The following PLK5 variants were observed in gnomAD, a reference collection of about 807,000 sequenced individuals.
PLK5 encodes polo like kinase 5 (inactive).
A neutral mutation model predicts 33.7 loss-of-function variants in PLK5; 28 were observed. The observed-to-expected ratio is 0.83, with a 90% CI of 0.62 to 1.14. PLK5 has a LOEUF of 1.14. PLK5 is among the 50% of genes most tolerant of loss of function. The pLI, the probability that PLK5 is intolerant of heterozygous loss-of-function variation, is 0.00. For missense variants in PLK5, 492 were observed against 461.5 expected, an observed-to-expected ratio of 1.07 and a Z score of -0.61; for synonymous variants, 225 against 202.2, an observed-to-expected ratio of 1.11 and a Z score of -0.96.
rs1392957032 is a variant in PLK5 at position 1,531,850 on chromosome 19, A to G, written c.681A>G (p.Gly227=). Residue 227 remains glycine, a synonymous_variant, in exon 12 of 14, where the codon GGA becomes GGG. Transcript: ENST00000454744. ...GYQLLDGGRT[G]RHPHGPATPR... ...AGCTCTTGGACGGGGGGCGCACGGG[A>G]CGGCACCCACATGGCCCTGCGACCC... The G allele has an allele frequency of 2.6e-6, 4 of 1,522,778 alleles. No homozygotes were observed. The East Asian group carries it at 9.9e-5, about 38-fold the overall frequency. 94.3% of individuals were successfully genotyped at this position (1,522,778 alleles called of 1,614,324 possible). A position where few individuals can be genotyped will look rare whatever the true frequency, so the allele number is the denominator to read the frequency against.
rs573399380 is a variant in PLK5, at chr19:1,529,669, G to A, written c.491-78G>A. The A allele has an allele frequency of 3.3e-5, 48 of 1,451,896 alleles. No individual in the cohort carries two copies. The Middle Eastern group carries it at 6.9e-4, about 21-fold the overall frequency. The allele number at this position is 1,451,896 out of a possible 1,614,324, so 89.9% of individuals were successfully genotyped here. ...GGATGAGATGTTCCTGGATGGAGCC[G>A]TGGGGAGGGGGACTGGTTGGAAGAG... On this transcript the variant is annotated intron_variant, in intron 10 of 13. Transcript: ENST00000454744.
rs1159192800 is a variant in PLK5 at position 1,528,021 on chromosome 19, G to A, written c.88G>A (p.Glu30Lys). 22 of 1,535,962 alleles carry A rather than the reference G, an allele frequency of 1.4e-5. No individual in the cohort carries two copies. Among genetic ancestry groups the A allele is most frequent in the Admixed American group, 1.2e-4 (6 of 50,964 alleles). The change falls in exon 7 of 14, where the codon GAA becomes AAA. Residue 30 changes from glutamate to lysine, a missense_variant. Coordinates refer to ENST00000454744, the MANE Select transcript of PLK5 (RefSeq NM_001243079.2). ...YQNIREGHYPEPAHLSANARR... is the reference protein window; with the variant it reads ...YQNIREGHYPKPAHLSANARR... The stretch of plus-strand genomic sequence containing the variant: ...AAACATCCGTGAGGGCCACTACCCC[G>A]AACCCGCTCACCTGTCTGCCAATGC...
intron 11 of PLK5, among the ~76,000 whole-genome samples, chr19:1,531,512 C>T (rs1354103602): frequency 2.0e-5 from 3 of 152,220 alleles, no homozygotes; most frequent in South Asian, 2.1e-4. Flanking sequence ...CCCAGGGGTG[C>T]GCCAGTATCC....
At chr19:1,532,395 T>C (rs953439477) in intron 12 of PLK5, among the ~76,000 whole-genome samples, 9 of 151,890 alleles carry the variant, frequency 5.9e-5, no homozygotes, top group African/African-American at 1.9e-4. Flanking sequence ...AAAAATTAGC[T>C]GGGCGTGGTG....
Position 1,526,695 on chromosome 19 carries a change from C to T in PLK5, c.-182-9C>T, listed in dbSNP as rs1345530631. 1 of 474,444 alleles carries T rather than the reference C, an allele frequency of 2.1e-6. No individual in the cohort carries two copies. The highest frequency in any genetic ancestry group is 3.5e-5 in the Admixed American group (1 of 28,578). 29.4% of individuals were successfully genotyped at this position (474,444 alleles called of 1,614,324 possible). ...CCACCCCCATGCGCAATGCCCCTCC[C>T]ACTGCCAGGTAACTTCTTCCTTAAC... On this transcript the variant is annotated splice_polypyrimidine_tract_variant and intron_variant, in intron 4 of 13. Transcript: ENST00000454744.
chr19:1,526,969 G>A lies in PLK5; in HGVS notation c.-28G>A. Reference sequence around the variant, plus strand: ...TCTCCAGAAACGGTCACTCCTGCCAGTAGGACATCTGGGCTCTGGGCTGCA... The same window carrying A: ...TCTCCAGAAACGGTCACTCCTGCCAATAGGACATCTGGGCTCTGGGCTGCA... On this transcript the variant is annotated 5_prime_UTR_variant, in exon 6 of 14. Coordinates refer to ENST00000454744, the MANE Select transcript of PLK5 (RefSeq NM_001243079.2). The A allele has an allele frequency of 6.5e-7, 1 of 1,532,994 alleles. No homozygotes were observed. The highest frequency in any genetic ancestry group is 1.2e-5 in the South Asian group (1 of 84,014). 95.0% of individuals were successfully genotyped at this position (1,532,994 alleles called of 1,614,324 possible). A position where few individuals can be genotyped will look rare whatever the true frequency, so the allele number is the denominator to read the frequency against.
chr19:1,529,833 C>T lies in PLK5; in HGVS notation c.568+9C>T, dbSNP rs1032427483. 92 of 1,534,628 alleles carry T rather than the reference C, an allele frequency of 6.0e-5. 1 individual carries two copies. The highest frequency in any genetic ancestry group is 7.2e-5 in the Non-Finnish European group (82 of 1,146,362). ...GGATGTAGGCCCCCCGGGTAGGAGCCGGCCCAGCCCCCAGGATCACCTTTA... is the reference window on the plus strand; with the variant it reads ...GGATGTAGGCCCCCCGGGTAGGAGCTGGCCCAGCCCCCAGGATCACCTTTA... On this transcript the variant is annotated intron_variant, in intron 11 of 13. Coordinates refer to ENST00000454744, the MANE Select transcript of PLK5 (RefSeq NM_001243079.2).
chr19:1,535,028 A>G, intron 13 of PLK5, 37 bp from the exon 14 acceptor site: 1 of 1,468,294 alleles, frequency 6.8e-7, no homozygotes, highest in Non-Finnish European at 9.0e-7. Context: ...GTGCAGGGGT[A>G]CCCGTCTCCC....
rs1364915204 is a variant in PLK5, at chr19:1,524,546, A to T, written c.-544+300A>T. Among the ~76,000 whole-genome samples, 2 of 150,644 alleles carry T rather than the reference A, an allele frequency of 1.3e-5. No homozygotes were observed. The highest frequency in any genetic ancestry group is 1.3e-4 in the Admixed American group (2 of 15,170). On this transcript the variant is annotated intron_variant, in intron 1 of 13. Transcript: ENST00000454744. The surrounding 1 kb of genome is among the most constrained non-coding windows in gnomAD (Gnocchi z 4.5). ...TGTGTGCGAGCCTGGCGAGGGTCTG[A>T]GTGTGCCGCGTCTGTGCCCGCTGCT...
Position 1,528,893 on chromosome 19 carries a change from C to A in PLK5, c.329-5C>A, listed in dbSNP as rs1452233930. The stretch of plus-strand genomic sequence containing the variant: ...GCCCCCTCCAAGGCCTTGTGCCTCC[C>A]TCAGGCCCCTTCACGCCTAAAGAGG... On this transcript the variant is annotated splice_region_variant and splice_polypyrimidine_tract_variant and intron_variant, in intron 8 of 13. Transcript: ENST00000454744. 1 of 1,506,328 alleles carries A rather than the reference C, an allele frequency of 6.6e-7. No individual in the cohort carries two copies. The highest frequency in any genetic ancestry group is 2.5e-5 in the East Asian group (1 of 40,374). 93.3% of individuals were successfully genotyped at this position (1,506,328 alleles called of 1,614,324 possible). A position where few individuals can be genotyped will look rare whatever the true frequency, so the allele number is the denominator to read the frequency against.
chr19:1,526,100 C>T (rs1005258889), intron 3 of PLK5, among the ~76,000 whole-genome samples: 3 of 152,336 alleles, frequency 2.0e-5, no homozygotes, highest in South Asian at 2.1e-4. Context: ...GCTGTGCCCA[C>T]CGTGGCCGTG....
At position 1,535,208 on chromosome 19, in the gene PLK5, A is replaced by C. The variant is rs1348615099; in HGVS notation, c.969A>C (p.Gly323=). Residue 323 remains glycine (G), a synonymous_variant, in exon 14 of 14, where the codon GGA becomes GGC. Transcript: ENST00000454744. ...GCCACGGCTGCGCCCCCACCACCGG[A>C]CAGCACCTTCACCACGCCCTCCGCA... ...PRSHGCAPTT[G]QHLHHALRML... 3 of 1,535,468 alleles carry C rather than the reference A, an allele frequency of 2.0e-6. No individual in the cohort carries two copies. The highest frequency in any genetic ancestry group is 2.4e-5 in the South Asian group (2 of 84,010).
At chr19:1,527,412 G>A (rs1913772845) in intron 6 of PLK5, among the ~76,000 whole-genome samples, 1 of 152,050 alleles carries the variant, frequency 6.6e-6, no homozygotes, top group African/African-American at 2.4e-5. Flanking sequence ...GACCAGCCTG[G>A]CCAAGTTGGT....
Position 1,526,973 on chromosome 19 carries a change from G to A in PLK5, c.-24G>A. On this transcript the variant is annotated 5_prime_UTR_variant, in exon 6 of 14. Transcript: ENST00000454744. ...CAGAAACGGTCACTCCTGCCAGTAG[G>A]ACATCTGGGCTCTGGGCTGCATCAT... 3 of 1,521,846 alleles carry A rather than the reference G, an allele frequency of 2.0e-6. No individual in the cohort carries two copies. Among genetic ancestry groups the A allele is most frequent in the East Asian group, 2.5e-5 (1 of 40,456 alleles). The allele number at this position is 1,521,846 out of a possible 1,614,324, so 94.3% of individuals were successfully genotyped here.
At position 1,526,553 on chromosome 19, in the gene PLK5, G is replaced by T. The variant is rs1196964217; in HGVS notation, c.-245G>T. The T allele has an allele frequency of 1.1e-5, 3 of 283,236 alleles. No individual in the cohort carries two copies. In the East Asian group the frequency reaches 3.7e-4, roughly 34 times the overall value. The allele number at this position is 283,236 out of a possible 1,614,324, so 17.5% of individuals were successfully genotyped here. ...CCAGAAGTGCGCGACTACCTGCGGGGCCTGGTCAGCGGCCTGCGCTACCTG... is the reference window on the plus strand; with the variant it reads ...CCAGAAGTGCGCGACTACCTGCGGGTCCTGGTCAGCGGCCTGCGCTACCTG... On this transcript the variant is annotated 5_prime_UTR_variant, in exon 4 of 14. Coordinates refer to ENST00000454744, the MANE Select transcript of PLK5 (RefSeq NM_001243079.2).
At chr19:1,528,243 C>T in intron 7 of PLK5, 59 bp from the exon 8 acceptor site, 2 of 1,535,638 alleles carry the variant, frequency 1.3e-6, no homozygotes, top group Non-Finnish European at 1.7e-6. Flanking sequence ...CCCAGGTAAC[C>T]CAGGTGCTCA....
Position 1,526,742 on chromosome 19 carries a change from G to A in PLK5, c.-144G>A. On this transcript the variant is annotated 5_prime_UTR_variant, in exon 5 of 14. Transcript: ENST00000454744. Reference sequence around the variant, plus strand: ...TAACAAGAACATGGAGGTGAAGATTGGAGACCTGGGACTGGCGGCCAAGGT... The same window carrying A: ...TAACAAGAACATGGAGGTGAAGATTAGAGACCTGGGACTGGCGGCCAAGGT... 1 of 562,064 alleles carries A rather than the reference G, an allele frequency of 1.8e-6. No homozygotes were observed. The highest frequency in any genetic ancestry group is 3.2e-6 in the Non-Finnish European group (1 of 314,792). 34.8% of individuals were successfully genotyped at this position (562,064 alleles called of 1,614,324 possible).
chr19:1,531,633 C>T (rs1476635705), intron 11 of PLK5, 105 bp from the exon 12 acceptor site: 37 of 1,364,962 alleles, frequency 2.7e-5, no homozygotes, highest in Non-Finnish European at 3.4e-5. Flanking sequence ...CGGTCCCCGC[C>T]GTGGGAAGGG....
intron 3 of PLK5, among the ~76,000 whole-genome samples, chr19:1,525,985 ATG>A (rs1315872251): frequency 2.6e-5 from 4 of 151,692 alleles, no homozygotes; most frequent in African/African-American, 4.8e-5. Context: ...GCCCATCAGA[ATG>A]TGTTTGCTTC....
Sources: gnomAD v4.1 joint callset for allele counts (sites outside exome capture counted in the v4.1 genomes callset) on GRCh38, gnomAD v4.1.1 for gene constraint, Gnocchi (gnomAD v3.1) non-coding constraint, MANE v1.5 for transcripts, NCBI Gene and HGNC (gene_info 2026-07-23, HGNC 2026-07-21) for gene names.